The following CADM1 variants were observed in gnomAD, a reference collection of about 807,000 sequenced individuals.
CADM1 encodes cell adhesion molecule 1, also known as TSLC-1.
In CADM1, 15 loss-of-function variants were observed where a neutral mutation model predicts 53.1. That is an observed-to-expected ratio of 0.28 (90% CI 0.19 to 0.44). CADM1 has a LOEUF of 0.44. Among genes scored for constraint, CADM1 ranks in the 20% least tolerant of loss-of-function variants. The pLI, the probability that CADM1 is intolerant of heterozygous loss-of-function variation, is 1.00. For synonymous variants in CADM1, 281 were observed against 243.0 expected (o/e 1.16, Z -1.45); for missense variants, 434 against 611.3 (o/e 0.71, Z 3.06).
chr11:115,380,632 T>C (rs1946552107), intron 1 of CADM1, among the ~76,000 whole-genome samples: 1 of 152,222 alleles, frequency 6.6e-6, no homozygotes, highest in South Asian at 2.1e-4. Flanking sequence ...AATACTAGGA[T>C]ATTAGCATTA....
intron 1 of CADM1, among the ~76,000 whole-genome samples, chr11:115,306,635 G>A (rs1032280617): frequency 6.6e-6 from 1 of 151,830 alleles, no homozygotes; most frequent in East Asian, 1.9e-4. Context: ...TTAGACTTCC[G>A]GGTCATTAAC....
At chr11:115,236,984 T>A (rs1565316335) in intron 3 of CADM1, among the ~76,000 whole-genome samples, 3 of 152,182 alleles carry the variant, frequency 2.0e-5, no homozygotes, top group Non-Finnish European at 4.4e-5. Context: ...CTCTGAAAAT[T>A]CAAAATGCCA....
At chr11:115,247,295 T>G (rs142598756) in intron 1 of CADM1, among the ~76,000 whole-genome samples, 5 of 152,182 alleles carry the variant, frequency 3.3e-5, no homozygotes, top group Admixed American at 1.3e-4. Flanking sequence ...CTTTTCAGTC[T>G]TATTGGGCAT....
chr11:115,240,478 G>A, intron 1 of CADM1, 58 bp from the exon 2 acceptor site: 1 of 1,575,706 alleles, frequency 6.3e-7, no homozygotes, highest in South Asian at 1.1e-5. Flanking sequence ...AATGTGATCA[G>A]TGGGATCTAT....
At chr11:115,207,247 C>G (rs1464755175) in intron 8 of CADM1, 1 of 152,120 alleles carries the variant, frequency 6.6e-6, no homozygotes, top group Non-Finnish European at 1.5e-5. Context: ...GCAGGGAGGA[C>G]TCAACTGCTA....
At chr11:115,193,887 T>G (rs1019924496) in intron 9 of CADM1, 1 of 152,292 alleles carries the variant, frequency 6.6e-6, no homozygotes, top group African/African-American at 2.4e-5. Flanking sequence ...AACTCTTACT[T>G]CCACCACCAG....
Position 115,504,366 on chromosome 11 carries a change from G to A in CADM1, c.29C>T (p.Ser10Phe), listed in dbSNP as rs765387727. The change falls in exon 1 of 12, where the codon TCC becomes TTC. Residue 10 changes from serine (S) to phenylalanine (F), a missense_variant. This residue lies in a region of CADM1 where 76 missense variants were observed against 59.8 expected (regional missense o/e 1.27). Coordinates refer to ENST00000331581, the MANE Select transcript of CADM1 (RefSeq NM_001301043.2). Reference sequence around the variant, plus strand: ...CGCCGCCGCTGCCGCCGCACACTGGGATCCGCTCGGCAGCACTACACTCGC... The same window carrying A: ...CGCCGCCGCTGCCGCCGCACACTGGAATCCGCTCGGCAGCACTACACTCGC... MASVVLPSG[S>F]QCAAAAAAAA... is the part of the protein sequence containing the mutation. 1 of 1,548,114 alleles carries A rather than the reference G, an allele frequency of 6.5e-7. No homozygotes were observed. The highest frequency in any genetic ancestry group is 1.2e-5 in the South Asian group (1 of 83,978).
intron 1 of CADM1, among the ~76,000 whole-genome samples, chr11:115,485,367 C>A (rs538443524): frequency 2.6e-4 from 39 of 152,258 alleles, no homozygotes; most frequent in Non-Finnish European, 5.4e-4. Flanking sequence ...ACACACTGGG[C>A]CTTTGAATAA....
chr11:115,396,221 A>G (rs1946991464), intron 1 of CADM1, among the ~76,000 whole-genome samples: 1 of 152,206 alleles, frequency 6.6e-6, no homozygotes, highest in South Asian at 2.1e-4. Context: ...TGTGGTTGTC[A>G]TTGGTGGTGG....
chr11:115,189,875 A>T (rs1425358608), intron 10 of CADM1, among the ~76,000 whole-genome samples: 1 of 152,238 alleles, frequency 6.6e-6, no homozygotes, highest in Non-Finnish European at 1.5e-5. Context: ...AGCAAAGTGA[A>T]GATATCCCTG....
intron 1 of CADM1, among the ~76,000 whole-genome samples, chr11:115,293,458 T>TA (rs765592634): frequency 9.5e-4 from 144 of 152,142 alleles, no homozygotes; most frequent in Middle Eastern, 3.4e-3. Flanking sequence ...AGATCCAGTA[T>TA]AACTATTCTG....
chr11:115,428,395 AAATATAT>A (rs775579554), intron 1 of CADM1, among the ~76,000 whole-genome samples: 30 of 152,186 alleles, frequency 2.0e-4, no homozygotes, highest in Admixed American at 3.3e-4. Context: ...CCATGGGAGG[AAATATAT>A]AAATGGGACT....
At chr11:115,445,504 T>TA (rs11297951) in intron 1 of CADM1, among the ~76,000 whole-genome samples, 19 of 149,406 alleles carry the variant, frequency 1.3e-4, no homozygotes, top group South Asian at 4.3e-4. Flanking sequence ...AATCATTGTT[T>TA]AAAAAAAAAA....
intron 1 of CADM1, among the ~76,000 whole-genome samples, chr11:115,244,860 T>C (rs1195878550): frequency 6.6e-5 from 10 of 152,242 alleles, no homozygotes; most frequent in African/African-American, 2.4e-4. Context: ...TAAAAGACCT[T>C]GTTTACTACT....
intron 1 of CADM1, among the ~76,000 whole-genome samples, chr11:115,353,611 G>A (rs1945791155): frequency 1.3e-5 from 2 of 152,152 alleles, no homozygotes; most frequent in South Asian, 2.1e-4. Flanking sequence ...CCAGAAACTA[G>A]TAAGATTCCC....
chr11:115,458,350 T>C (rs1948722302), intron 1 of CADM1, among the ~76,000 whole-genome samples: 1 of 152,158 alleles, frequency 6.6e-6, no homozygotes, highest in East Asian at 1.9e-4. Flanking sequence ...ATGTAATCTA[T>C]CCAATGCTCA....
chr11:115,458,374 T>G (rs1244325638), intron 1 of CADM1, among the ~76,000 whole-genome samples: 1 of 151,948 alleles, frequency 6.6e-6, no homozygotes, highest in African/African-American at 2.4e-5. Context: ...TCCTCATCAG[T>G]AAAATGAGGA....
chr11:115,309,226 G>T (rs1250992169), intron 1 of CADM1, among the ~76,000 whole-genome samples: 1 of 152,002 alleles, frequency 6.6e-6, no homozygotes, highest in Non-Finnish European at 1.5e-5. Context: ...TAAATAAAAT[G>T]TTCTTAAGGT....
chr11:115,474,338 A>G (rs1949081803), intron 1 of CADM1, among the ~76,000 whole-genome samples: 1 of 151,414 alleles, frequency 6.6e-6, no homozygotes, highest in Non-Finnish European at 1.5e-5. Context: ...ATATCTGAAT[A>G]GACACTTCAC....
Sources: allele counts gnomAD v4.1 joint callset (sites outside exome capture counted in the v4.1 genomes callset), GRCh38; gene constraint gnomAD v4.1.1; regional missense constraint gnomAD v4.1.1; transcripts MANE v1.5; gene names NCBI Gene and HGNC (gene_info 2026-07-23, HGNC 2026-07-21).